The following ZNF236 variants were observed in gnomAD, a reference collection of about 807,000 sequenced individuals.
ZNF236 encodes regulated by glucose.
A neutral mutation model predicts 191.2 loss-of-function variants in ZNF236; 50 were observed. That is an observed-to-expected ratio of 0.26 (90% confidence interval 0.21 to 0.33). ZNF236 has a LOEUF of 0.33. ZNF236 is among the 10% of genes least tolerant of loss of function. ZNF236 has a pLI of 1.00. For synonymous variants in ZNF236, 907 were observed against 928.8 expected (o/e 0.98, Z 0.43); for missense variants, 1,754 against 2,374.5 (o/e 0.74, Z 5.43).
intron 5 of ZNF236, among the ~76,000 whole-genome samples, chr18:76,874,108 TC>T (rs1257744620): frequency 6.6e-6 from 1 of 150,858 alleles, no homozygotes; most frequent in African/African-American, 2.4e-5. Flanking sequence ...TGTCCTCCTC[TC>T]CTGTCCCCAT....
intron 17 of ZNF236, among the ~76,000 whole-genome samples, chr18:76,913,093 T>G (rs1434629398): frequency 6.6e-6 from 1 of 151,964 alleles, no homozygotes; most frequent in Non-Finnish European, 1.5e-5. Context: ...ACTAACCTCT[T>G]GCTGGAGATT....
intron 27 of ZNF236, 87 bp downstream of exon 27, chr18:76,947,739 G>T: frequency 2.7e-6 from 4 of 1,477,818 alleles, no homozygotes; most frequent in Non-Finnish European, 3.6e-6. Context: ...GGTTATGGGC[G>T]TGCTGTGTGA....
intron 26 of ZNF236, 44 bp from the exon 27 acceptor site, chr18:76,947,477 T>A (rs1218299814): frequency 1.3e-6 from 2 of 1,587,096 alleles, no homozygotes; most frequent in African/African-American, 1.4e-5. Context: ...ATTGCTTGTT[T>A]TGCTAAAGTT....
At chr18:76,856,022 G>A (rs1017352806) in intron 3 of ZNF236, among the ~76,000 whole-genome samples, 1 of 152,102 alleles carries the variant, frequency 6.6e-6, no homozygotes, top group Admixed American at 6.6e-5. Flanking sequence ...AATAAATGGT[G>A]TGTAAGATTG....
chr18:76,911,314 G>C (rs60340359), intron 16 of ZNF236, among the ~76,000 whole-genome samples: 50,558 of 142,190 alleles, frequency 0.36, 8,880 homozygotes, highest in East Asian at 0.53. Flanking sequence ...ATGAGAAATT[G>C]ACCAATTGTT....
chr18:76,869,842 G>T (rs1252941014), intron 4 of ZNF236, among the ~76,000 whole-genome samples: 1 of 152,174 alleles, frequency 6.6e-6, no homozygotes, highest in Non-Finnish European at 1.5e-5. Context: ...TGTAGTCCCA[G>T]GTACTCGGGA....
intron 4 of ZNF236, among the ~76,000 whole-genome samples, chr18:76,870,175 G>A (rs115915068): frequency 4.7e-4 from 72 of 152,258 alleles, no homozygotes; most frequent in African/African-American, 1.6e-3. Context: ...AATGTGGACT[G>A]GACATCTCTG....
Position 76,919,752 on chromosome 18 carries a change from T to C in ZNF236, c.3275-24T>C, listed in dbSNP as rs1160570983. On this transcript the variant is annotated intron_variant, in intron 19 of 30. Transcript: ENST00000320610. This position sits in a 1 kb window ranked among gnomAD's most constrained non-coding sequence, Gnocchi z 5.3. ...TAGGTTTTCTTCATTACGATTTTGA[T>C]CCCTTTTCCTTGATTTTGTGTAGAC... 1 of 1,604,308 alleles carries C rather than the reference T, an allele frequency of 6.2e-7. No homozygotes were observed. Among genetic ancestry groups the C allele is most frequent in the Non-Finnish European group, 8.5e-7 (1 of 1,172,102 alleles).
intron 9 of ZNF236, among the ~76,000 whole-genome samples, chr18:76,891,750 A>G (rs1977239878): frequency 6.6e-6 from 1 of 151,998 alleles, no homozygotes; most frequent in South Asian, 2.1e-4. Context: ...ATGTGCAAAC[A>G]TCATTTGTCA....
At chr18:76,866,446 C>T (rs1299909235) in intron 3 of ZNF236, among the ~76,000 whole-genome samples, 2 of 152,066 alleles carry the variant, frequency 1.3e-5, no homozygotes, top group Non-Finnish European at 2.9e-5. Flanking sequence ...GGAGGGGATT[C>T]GGAGAAGGGG....
chr18:76,884,138 G>T (rs1055986738), intron 9 of ZNF236, among the ~76,000 whole-genome samples: 1 of 151,904 alleles, frequency 6.6e-6, no homozygotes, highest in Non-Finnish European at 1.5e-5. Flanking sequence ...GCAGTGGCTC[G>T]TGCCTGTAAT....
Position 76,851,839 on chromosome 18 carries a change from G to T in ZNF236, c.263G>T (p.Cys88Phe). The T allele has an allele frequency of 6.2e-7, 1 of 1,613,964 alleles. No homozygotes were observed. Among genetic ancestry groups the T allele is most frequent in the Admixed American group, 1.7e-5 (1 of 60,010 alleles). The change falls in exon 3 of 31, where the codon TGC becomes TTC. Residue 88 changes from cysteine to phenylalanine, a missense_variant. Transcript: ENST00000320610. ...NVEFNLTLHK[C>F]THSGEDPTCP... is the part of the protein sequence containing the mutation. ...GAATTCAACCTGACACTTCATAAAT[G>T]CACCCACAGCGGGGAAGATCCTACC...
chr18:76,962,807 G>T (rs142631082), intron 30 of ZNF236, among the ~76,000 whole-genome samples: 6,932 of 151,240 alleles, frequency 0.046, 206 homozygotes, highest in Middle Eastern at 0.13. Flanking sequence ...GTTTTTTTTT[G>T]TTTGTTTGTT....
In ZNF236 at chr18:76,947,128, G is replaced by A. The variant is rs545188662; in HGVS notation, c.4783-393G>A. ...TCCGTTCTGGGTATTTCATAGAAAT[G>A]TGATCATCCGTGTGGTCTTTTGTGA... On this transcript the variant is annotated intron_variant, in intron 26 of 30. Transcript: ENST00000320610. 6.6e-5 allele frequency among the ~76,000 whole-genome samples: 10 copies of A among 152,234 alleles called. No homozygotes were observed. In the South Asian group the frequency reaches 2.1e-3, roughly 32 times the overall value.
intron 26 of ZNF236, among the ~76,000 whole-genome samples, chr18:76,943,780 G>A (rs771888792): frequency 5.9e-5 from 9 of 152,152 alleles, no homozygotes; most frequent in Admixed American, 5.2e-4. Flanking sequence ...TCTTAATTTT[G>A]TGCCTTTCTT....
chr18:76,830,144 C>T lies in ZNF236; in HGVS notation c.55+7482C>T, dbSNP rs1028499562. Among the ~76,000 whole-genome samples, 4 of 152,348 alleles carry T rather than the reference C, an allele frequency of 2.6e-5. No homozygotes were observed. The South Asian group carries it at 6.2e-4, about 24-fold the overall frequency. On this transcript the variant is annotated intron_variant, in intron 1 of 30. Transcript: ENST00000320610. ...TCGGCCTCCCAAAGTGCTGGGATTACAGGTGTGAGCCACGGTGCCTGGCCA... is the reference window on the plus strand; with the variant it reads ...TCGGCCTCCCAAAGTGCTGGGATTATAGGTGTGAGCCACGGTGCCTGGCCA...
intron 9 of ZNF236, among the ~76,000 whole-genome samples, chr18:76,883,420 A>G (rs1351918375): frequency 8.1e-6 from 1 of 122,872 alleles, no homozygotes; most frequent in African/African-American, 3.1e-5. Context: ...TGAGAAAACC[A>G]TTGGGGATTT....
At chr18:76,869,603 A>G (rs1289762236) in intron 4 of ZNF236, among the ~76,000 whole-genome samples, 1 of 152,352 alleles carries the variant, frequency 6.6e-6, no homozygotes, top group East Asian at 1.9e-4. Flanking sequence ...TGCTCAAGTT[A>G]GCTAATGGTG....
chr18:76,956,317 G>A, intron 28 of ZNF236, 135 bp downstream of exon 28: 1 of 984,504 alleles, frequency 1.0e-6, no homozygotes, highest in East Asian at 2.6e-5. Flanking sequence ...AAGGTCACTA[G>A]ATGTAGATGT....
Sources: gnomAD v4.1 joint callset for allele counts (sites outside exome capture counted in the v4.1 genomes callset) on GRCh38, gnomAD v4.1.1 for gene constraint, Gnocchi (gnomAD v3.1) non-coding constraint, MANE v1.5 for transcripts, NCBI Gene and HGNC (gene_info 2026-07-23, HGNC 2026-07-21) for gene names.